The following IMMP2L variants were observed in gnomAD, a reference collection of about 807,000 sequenced individuals.
The protein encoded by IMMP2L is inner mitochondrial membrane peptidase subunit 2, also known as mitochondrial inner membrane protease subunit 2.
A neutral mutation model predicts 19.3 loss-of-function variants in IMMP2L; 18 were observed. That is an observed-to-expected ratio of 0.93 (90% CI 0.64 to 1.38). The LOEUF (loss-of-function observed/expected upper bound fraction) is 1.38, where lower values mean the gene tolerates loss of function less well. IMMP2L is among the 40% of genes most tolerant of loss of function. IMMP2L has a pLI of 0.00. For missense variants in IMMP2L, 233 were observed against 218.2 expected (o/e 1.07, Z -0.43); for synonymous variants, 76 against 73.0 (o/e 1.04, Z -0.21).
chr7:111,365,727 G>A (rs1420814195), intron 3 of IMMP2L, among the ~76,000 whole-genome samples: 1 of 152,062 alleles, frequency 6.6e-6, no homozygotes, highest in Non-Finnish European at 1.5e-5. Flanking sequence ...ATGAAACTTG[G>A]TTTTTAATGC....
At chr7:111,470,545 A>G (rs1197695342) in intron 3 of IMMP2L, among the ~76,000 whole-genome samples, 6 of 151,918 alleles carry the variant, frequency 3.9e-5, no homozygotes, top group South Asian at 2.1e-4. Context: ...ATGCAGCCAT[A>G]AAAAATGATG....
chr7:110,720,368 C>T (rs1795492346), intron 5 of IMMP2L, among the ~76,000 whole-genome samples: 1 of 152,112 alleles, frequency 6.6e-6, no homozygotes, highest in Non-Finnish European at 1.5e-5. Context: ...AAAGTAATCG[C>T]TCTTCTTCAA....
chr7:110,731,807 A>G (rs748569035), intron 5 of IMMP2L, among the ~76,000 whole-genome samples: 9 of 152,190 alleles, frequency 5.9e-5, no homozygotes, highest in Non-Finnish European at 1.2e-4. Context: ...AGTCGATAAA[A>G]GGGACTTAAC....
At chr7:111,185,950 C>A (rs1731430076) in intron 3 of IMMP2L, among the ~76,000 whole-genome samples, 1 of 152,002 alleles carries the variant, frequency 6.6e-6, no homozygotes, top group Admixed American at 6.6e-5. Flanking sequence ...ATATTTTTTA[C>A]CTTCAACACT....
intron 3 of IMMP2L, among the ~76,000 whole-genome samples, chr7:111,349,645 G>A (rs1467694823): frequency 6.6e-6 from 1 of 152,060 alleles, no homozygotes; most frequent in Non-Finnish European, 1.5e-5. Flanking sequence ...AGGGTAGTCA[G>A]GTGGTACCAG....
Position 111,213,966 on chromosome 7 carries a change from G to C in IMMP2L, c.240-250401C>G, listed in dbSNP as rs1811612900. Among the ~76,000 whole-genome samples, 1 of 152,118 alleles carries C rather than the reference G, an allele frequency of 6.6e-6. No individual in the cohort carries two copies. Among genetic ancestry groups the C allele is most frequent in the Non-Finnish European group, 1.5e-5 (1 of 68,028 alleles). ...ACCCAAGTCACATGAATAGTGAAGA[G>C]CTATAAGTATTCATACATTTCTAAT... On this transcript the variant is annotated intron_variant, in intron 3 of 5. Transcript: ENST00000405709. This position sits in a 1 kb window ranked among gnomAD's most constrained non-coding sequence, Gnocchi z 4.8.
At chr7:111,235,852 A>G (rs1326945260) in intron 3 of IMMP2L, among the ~76,000 whole-genome samples, 1 of 151,388 alleles carries the variant, frequency 6.6e-6, no homozygotes, top group Non-Finnish European at 1.5e-5. Context: ...CAGTTCACTG[A>G]TTGTCTCTTT....
Position 110,840,216 on chromosome 7 carries a change from A to G in IMMP2L, c.408+46377T>C, listed in dbSNP as rs548659598. 6.6e-4 allele frequency among the ~76,000 whole-genome samples: 100 copies of G among 152,178 alleles called. No individual in the cohort carries two copies. The South Asian group carries it at 7.7e-3, about 12-fold the overall frequency. ...CCCCACTTTCACCCTCAGACATAGGAGCGGTAATAGCTCCTACTATTGCTA... is the reference window on the plus strand; with the variant it reads ...CCCCACTTTCACCCTCAGACATAGGGGCGGTAATAGCTCCTACTATTGCTA... On this transcript the variant is annotated intron_variant, in intron 5 of 5. Coordinates refer to ENST00000405709, the MANE Select transcript of IMMP2L (RefSeq NM_032549.4).
intron 1 of IMMP2L, among the ~76,000 whole-genome samples, chr7:111,543,278 TA>T (rs1848638624): frequency 6.6e-6 from 1 of 152,148 alleles, no homozygotes; most frequent in South Asian, 2.1e-4. Context: ...ATCTATCTAT[TA>T]AAACATTCAT....
intron 4 of IMMP2L, among the ~76,000 whole-genome samples, chr7:110,957,663 G>C (rs1050048877): frequency 1.3e-5 from 2 of 151,910 alleles, no homozygotes; most frequent in African/African-American, 2.4e-5. Flanking sequence ...AACCATGCTG[G>C]CTTCTTGTAC....
intron 3 of IMMP2L, among the ~76,000 whole-genome samples, chr7:111,446,048 A>G (rs1334512781): frequency 6.6e-6 from 1 of 151,876 alleles, no homozygotes; most frequent in African/African-American, 2.4e-5. Flanking sequence ...CCTGGCTCGG[A>G]GGGTCCTACG....
At chr7:110,963,672 C>A (rs1308081401) in intron 3 of IMMP2L, 107 bp from the exon 4 acceptor site, 1 of 540,156 alleles carries the variant, frequency 1.9e-6, no homozygotes, top group Non-Finnish European at 3.2e-6. Context: ...TTTACAGATT[C>A]CTTTGCACCC....
chr7:111,087,908 T>C (rs1006793685), intron 3 of IMMP2L, among the ~76,000 whole-genome samples: 3 of 152,204 alleles, frequency 2.0e-5, no homozygotes, highest in Admixed American at 6.5e-5. Context: ...AAACCCGGTA[T>C]ACATATTAAC....
At chr7:111,345,417 T>C (rs1359240103) in intron 3 of IMMP2L, among the ~76,000 whole-genome samples, 2 of 152,140 alleles carry the variant, frequency 1.3e-5, no homozygotes, top group African/African-American at 4.8e-5. Flanking sequence ...GACTGTCTCC[T>C]GGGGTTTACA....
chr7:111,399,267 C>T (rs561919389), intron 3 of IMMP2L, among the ~76,000 whole-genome samples: 36 of 152,242 alleles, frequency 2.4e-4, no homozygotes, highest in African/African-American at 8.4e-4. Context: ...CAGCGTGGTA[C>T]TGGTTTAAAA....
intron 5 of IMMP2L, among the ~76,000 whole-genome samples, chr7:110,810,377 C>G (rs975916979): frequency 6.6e-6 from 1 of 151,968 alleles, no homozygotes; most frequent in African/African-American, 2.4e-5. Flanking sequence ...AATCAGATAG[C>G]ATGTGTTGCT....
At chr7:111,335,840 C>T (rs1826344502) in intron 3 of IMMP2L, among the ~76,000 whole-genome samples, 1 of 151,942 alleles carries the variant, frequency 6.6e-6, no homozygotes, top group South Asian at 2.1e-4. Flanking sequence ...TATATTTCTA[C>T]ATGTATGTAT....
intron 3 of IMMP2L, among the ~76,000 whole-genome samples, chr7:111,144,892 T>C (rs1803303912): frequency 6.6e-6 from 1 of 152,068 alleles, no homozygotes; most frequent in Admixed American, 6.6e-5. Flanking sequence ...ATACAAACTG[T>C]GATAAATGTT....
chr7:110,772,403 C>T (rs144875707), intron 5 of IMMP2L, among the ~76,000 whole-genome samples: 122 of 152,236 alleles, frequency 8.0e-4, no homozygotes, highest in Non-Finnish European at 1.3e-3. Context: ...AGCTTCATTA[C>T]TTTAAGCAGT....
Sources: allele counts gnomAD v4.1 joint callset (sites outside exome capture counted in the v4.1 genomes callset), GRCh38; gene constraint gnomAD v4.1.1; non-coding constraint Gnocchi (gnomAD v3.1); transcripts MANE v1.5; gene names NCBI Gene and HGNC (gene_info 2026-07-23, HGNC 2026-07-21).